The following RAP1GAP2 variants were observed in gnomAD, a reference collection of about 807,000 sequenced individuals.
The protein encoded by RAP1GAP2 is RAP1 GTPase activating protein 2.
RAP1GAP2 carries 27 observed loss-of-function variants against 95.0 expected under a neutral mutation model. The observed-to-expected ratio is 0.28, with a 90% CI of 0.21 to 0.39. The LOEUF is 0.39. RAP1GAP2 is among the 10% of genes least tolerant of loss of function. RAP1GAP2 has a pLI of 1.00. For missense variants in RAP1GAP2, 771 were observed against 970.0 expected (o/e 0.79, Z 2.72); for synonymous variants, 373 against 380.9 (o/e 0.98, Z 0.24).
At chr17:2,876,886 CT>C (rs34517318) in intron 2 of RAP1GAP2, among the ~76,000 whole-genome samples, 2,895 of 127,470 alleles carry the variant, frequency 0.023, 87 homozygotes, top group African/African-American at 0.078. Context: ...GGTTTACGTT[CT>C]TTTTTTTTTT....
chr17:2,828,264 C>A (rs2070670561), intron 2 of RAP1GAP2, among the ~76,000 whole-genome samples: 1 of 152,100 alleles, frequency 6.6e-6, no homozygotes, highest in Non-Finnish European at 1.5e-5. Context: ...TCGCTTGAAC[C>A]TGGGAGGCGG....
Position 2,871,445 on chromosome 17 carries a change from G to C in RAP1GAP2, c.81-33839G>C, listed in dbSNP as rs2072841492. 6.6e-6 allele frequency among the ~76,000 whole-genome samples: 1 copy of C among 152,156 alleles called. No individual in the cohort carries two copies. The highest frequency in any genetic ancestry group is 1.5e-5 in the Non-Finnish European group (1 of 68,032). ...CCAGGGAGAGTCAGGGGCGCACTCT[G>C]GTCAGAGTGGTGTTGTGTTACAAGA... On this transcript the variant is annotated intron_variant, in intron 2 of 24. Transcript: ENST00000254695. This position sits in a 1 kb window ranked among gnomAD's most constrained non-coding sequence, Gnocchi z 5.0.
chr17:2,962,597 C>A (rs2151485547), intron 4 of RAP1GAP2, 73 bp from the exon 5 acceptor site: 1 of 1,459,224 alleles, frequency 6.9e-7, no homozygotes, highest in African/African-American at 1.4e-5. Context: ...CCCTGTAAGG[C>A]CAGGTGCTCT....
At chr17:2,853,894 C>T in intron 2 of RAP1GAP2, 7 of 975,118 alleles carry the variant, frequency 7.2e-6, no homozygotes, top group Non-Finnish European at 8.5e-6. Context: ...GAGGCGGAGG[C>T]CGGGGGCCGG....
chr17:3,020,976 C>CT (rs2046940009), intron 19 of RAP1GAP2, among the ~76,000 whole-genome samples: 1 of 152,142 alleles, frequency 6.6e-6, no homozygotes, highest in Admixed American at 6.5e-5. Context: ...AGGTTCTATG[C>CT]TTTTTTCTTT....
At chr17:2,823,038 C>T (rs1379083693) in intron 2 of RAP1GAP2, among the ~76,000 whole-genome samples, 1 of 152,080 alleles carries the variant, frequency 6.6e-6, no homozygotes, top group Non-Finnish European at 1.5e-5. Flanking sequence ...TGAGGCACAG[C>T]CCTGTGGCGA....
At chr17:2,806,582 A>G (rs1049409969) in intron 2 of RAP1GAP2, among the ~76,000 whole-genome samples, 1 of 149,942 alleles carries the variant, frequency 6.7e-6, no homozygotes, top group Non-Finnish European at 1.5e-5. Flanking sequence ...TTTTTAGTAG[A>G]GGCGGGGTTT....
chr17:3,012,825 G>C (rs538062097), intron 17 of RAP1GAP2, among the ~76,000 whole-genome samples: 10 of 152,226 alleles, frequency 6.6e-5, no homozygotes, highest in South Asian at 2.1e-4. Flanking sequence ...GAACGATGCT[G>C]ATCTCTAGAC....
chr17:2,996,110 G>A (rs1345167438), intron 13 of RAP1GAP2, among the ~76,000 whole-genome samples: 3 of 152,096 alleles, frequency 2.0e-5, no homozygotes, highest in East Asian at 3.9e-4. Flanking sequence ...CCCCAGTGAC[G>A]GAAGGCTGGT....
At chr17:2,973,626 G>A (rs556550367) in intron 8 of RAP1GAP2, among the ~76,000 whole-genome samples, 1 of 152,296 alleles carries the variant, frequency 6.6e-6, no homozygotes, top group East Asian at 1.9e-4. Flanking sequence ...TTTATGAATT[G>A]GAAGATAGAC....
chr17:2,850,565 G>C (rs1193717700), intron 2 of RAP1GAP2, among the ~76,000 whole-genome samples: 1 of 150,066 alleles, frequency 6.7e-6, no homozygotes, highest in Non-Finnish European at 1.5e-5. Flanking sequence ...TGGCTAACAC[G>C]GTGAAACCCC....
At chr17:2,836,036 G>A (rs983092897) in intron 2 of RAP1GAP2, among the ~76,000 whole-genome samples, 3 of 152,120 alleles carry the variant, frequency 2.0e-5, no homozygotes, top group East Asian at 3.9e-4. Flanking sequence ...TGGCACTGGC[G>A]GGGTGTGTTG....
chr17:2,826,343 G>A (rs573892247), intron 2 of RAP1GAP2, among the ~76,000 whole-genome samples: 32 of 151,902 alleles, frequency 2.1e-4, no homozygotes, highest in Admixed American at 1.4e-3. Context: ...AAGGCTGCGG[G>A]TGGGTGGGGA....
chr17:2,987,026 A>G (rs911768065), intron 11 of RAP1GAP2, among the ~76,000 whole-genome samples: 1 of 152,208 alleles, frequency 6.6e-6, no homozygotes, highest in African/African-American at 2.4e-5. Flanking sequence ...TTTAGACTTC[A>G]TGGGCCTTGG....
upstream of RAP1GAP2, chr17:2,796,430 G>C (rs1456767848): frequency 1.4e-6 from 2 of 1,386,820 alleles, no homozygotes; most frequent in African/African-American, 2.9e-5. This position sits in a 1 kb window ranked among gnomAD's most constrained non-coding sequence, Gnocchi z 4.7. Context: ...TCCCCGCCCT[G>C]CACCGGCACT....
At chr17:2,954,443 T>C (rs1173135668) in intron 3 of RAP1GAP2, among the ~76,000 whole-genome samples, 2 of 152,028 alleles carry the variant, frequency 1.3e-5, no homozygotes, top group Non-Finnish European at 2.9e-5. Flanking sequence ...TTTTCCATTC[T>C]CTTGTGTAGG....
chr17:2,935,118 G>A (rs927758720), intron 3 of RAP1GAP2, among the ~76,000 whole-genome samples: 1 of 152,138 alleles, frequency 6.6e-6, no homozygotes, highest in Non-Finnish European at 1.5e-5. Context: ...ATTGCCTGTC[G>A]TTCTAGATGT....
At chr17:2,850,355 A>T (rs985914246) in intron 2 of RAP1GAP2, among the ~76,000 whole-genome samples, 2 of 152,050 alleles carry the variant, frequency 1.3e-5, no homozygotes, top group African/African-American at 2.4e-5. Context: ...AGGCAACAGT[A>T]TTGAGGCAGA....
intron 16 of RAP1GAP2, among the ~76,000 whole-genome samples, chr17:3,006,515 G>A (rs1312544321): frequency 7.1e-6 from 1 of 141,652 alleles, no homozygotes; most frequent in East Asian, 2.1e-4. Context: ...CTCACTGCAA[G>A]CTCTGCCTCC....
Sources: allele counts gnomAD v4.1 joint callset (sites outside exome capture counted in the v4.1 genomes callset), GRCh38; gene constraint gnomAD v4.1.1; non-coding constraint Gnocchi (gnomAD v3.1); transcripts MANE v1.5; gene names NCBI Gene and HGNC (gene_info 2026-07-23, HGNC 2026-07-21).